CSMD2: variants seen among roughly 807,000 people sequenced by gnomAD.
CSMD2 encodes CUB and sushi domain-containing protein 2.
A neutral mutation model predicts 398.5 loss-of-function variants in CSMD2; 130 were observed. That is an observed-to-expected ratio of 0.33 (90% confidence interval 0.28 to 0.38). CSMD2 has a LOEUF of 0.38. Among genes scored for constraint, CSMD2 ranks in the 10% least tolerant of loss-of-function variants. CSMD2 has a pLI of 1.00. For synonymous variants in CSMD2, 1,828 were observed against 1,908.5 expected, an observed-to-expected ratio of 0.96 and a Z score of 1.10; for missense variants, 3,829 against 4,764.9, an observed-to-expected ratio of 0.80 and a Z score of 5.78.
At chr1:33,691,687 C>T (rs544048388) in intron 25 of CSMD2, among the ~76,000 whole-genome samples, 2 of 152,264 alleles carry the variant, frequency 1.3e-5, no homozygotes, top group South Asian at 2.1e-4. Context: ...TGGTGTCTCC[C>T]CATGAGCTCT....
At chr1:33,691,619 T>A (rs1571238024) in intron 25 of CSMD2, among the ~76,000 whole-genome samples, 1 of 152,290 alleles carries the variant, frequency 6.6e-6, no homozygotes, top group East Asian at 1.9e-4. Flanking sequence ...TTTTCTTGGC[T>A]CCTCACTATT....
intron 1 of CSMD2, among the ~76,000 whole-genome samples, chr1:34,103,546 C>T (rs535559162): frequency 4.6e-5 from 7 of 152,168 alleles, no homozygotes; most frequent in South Asian, 2.1e-4. Context: ...TCGCCCACCT[C>T]GGCCTCCCAA....
intron 3 of CSMD2, among the ~76,000 whole-genome samples, chr1:34,022,620 C>T (rs1386265384): frequency 2.0e-5 from 3 of 152,122 alleles, no homozygotes; most frequent in Non-Finnish European, 4.4e-5. Flanking sequence ...AGGCAGAGAA[C>T]AGAAGAGAAG....
intron 1 of CSMD2, among the ~76,000 whole-genome samples, chr1:34,135,580 T>A (rs1392583938): frequency 8.5e-6 from 1 of 117,628 alleles, no homozygotes; most frequent in Non-Finnish European, 1.6e-5. Context: ...ATCACGCCAC[T>A]GCACTCCAGC....
rs145350260 is a variant in CSMD2, at chr1:33,534,445, G to A, written c.9880-538C>T. Among the ~76,000 whole-genome samples the A allele has an allele frequency of 3.9e-3, 594 of 152,246 alleles. 2 individuals carry two copies. The highest frequency in any genetic ancestry group is 6.8e-3 in the Middle Eastern group (2 of 294). ...TGTCTTTACAGATATGGCCCCCATA[G>A]AATCTGTTGAACGAACTGCCACCCT... On this transcript the variant is annotated intron_variant, in intron 62 of 70. Coordinates refer to ENST00000373381, the MANE Select transcript of CSMD2 (RefSeq NM_001281956.2).
chr1:33,533,361 C>T lies in CSMD2; in HGVS notation c.9992-132G>A. On this transcript the variant is annotated intron_variant, in intron 63 of 70. Transcript: ENST00000373381. This position sits in a 1 kb window ranked among gnomAD's most constrained non-coding sequence, Gnocchi z 4.2. ...CAGTCCCTTTCATGCCAAGCATCCC[C>T]CTCCCTAATCCTCCACCCTAACCCA... The T allele has an allele frequency of 1.3e-6, 1 of 780,830 alleles. No individual in the cohort carries two copies. The highest frequency in any genetic ancestry group is 1.7e-5 in the African/African-American group (1 of 57,146). 48.4% of individuals were successfully genotyped at this position (780,830 alleles called of 1,614,324 possible).
chr1:33,771,591 C>G (rs1219653334), intron 13 of CSMD2, among the ~76,000 whole-genome samples: 2 of 151,844 alleles, frequency 1.3e-5, no homozygotes, highest in Non-Finnish European at 1.5e-5. Flanking sequence ...TGGTTCATCC[C>G]AACTCATCAA....
intron 3 of CSMD2, among the ~76,000 whole-genome samples, chr1:34,013,484 G>T (rs1463833700): frequency 6.6e-6 from 1 of 152,154 alleles, no homozygotes; most frequent in African/African-American, 2.4e-5. Flanking sequence ...CTCCTGCTGG[G>T]AGCTGGGCAC....
intron 13 of CSMD2, among the ~76,000 whole-genome samples, chr1:33,753,593 G>A (rs759229939): frequency 5.3e-5 from 8 of 152,222 alleles, no homozygotes; most frequent in Non-Finnish European, 1.2e-4. Context: ...TGGAGCTGTG[G>A]GAAGGGGGCT....
intron 2 of CSMD2, among the ~76,000 whole-genome samples, chr1:34,044,639 G>A (rs1033124529): frequency 6.6e-6 from 1 of 152,262 alleles, no homozygotes; most frequent in South Asian, 2.1e-4. Flanking sequence ...CCGAGATCTG[G>A]AGAACCATGT....
intron 5 of CSMD2, among the ~76,000 whole-genome samples, chr1:33,896,938 GA>G (rs1393108975): frequency 6.6e-6 from 1 of 151,884 alleles, no homozygotes. Flanking sequence ...GACCAGCAAG[GA>G]AGCCATTGTG....
Position 33,622,210 on chromosome 1 carries a change from T to G in CSMD2, c.5784A>C (p.Ser1928=). ...TSNQLYLHFY[S]DISVSAAGFH... ...AGCCAGCTGCAGATACGCTGATATC[T>G]GAGTAGAAATGAAGGTAGAGCTGGT... The change falls in exon 37 of 71, where the codon TCA becomes TCC. Residue 1928 remains serine, a synonymous_variant. Transcript: ENST00000373381. 3 of 1,614,110 alleles carry G rather than the reference T, an allele frequency of 1.9e-6. No homozygotes were observed. Among genetic ancestry groups the G allele is most frequent in the Non-Finnish European group, 2.5e-6 (3 of 1,179,980 alleles).
chr1:34,165,043 C>A lies in CSMD2; in HGVS notation c.55G>T (p.Ala19Ser). ...GCCGAAATCCCGGTTTCGCCGCGAG[C>A]CCTCCCCGCGGGGCAGCCGCAGCGC... Reference protein sequence around the residue: ...LGRCGCPAGRARGETGISALV... With the variant: ...LGRCGCPAGRSRGETGISALV... Residue 19 changes from alanine (A) to serine (S), a missense_variant, in exon 1 of 71, where the codon GCT (alanine) becomes TCT (serine). Around this residue, in one of 5 missense-constraint regions of CSMD2, gnomAD observed 184 missense variants for 217.7 expected, o/e 0.85. Coordinates refer to ENST00000373381, the MANE Select transcript of CSMD2 (RefSeq NM_001281956.2). 8.2e-7 allele frequency: 1 copy of A among 1,214,018 alleles called. No individual in the cohort carries two copies. Among genetic ancestry groups the A allele is most frequent in the Non-Finnish European group, 1.0e-6 (1 of 976,558 alleles). 75.2% of individuals were successfully genotyped at this position (1,214,018 alleles called of 1,614,324 possible). A position where few individuals can be genotyped will look rare whatever the true frequency, so the allele number is the denominator to read the frequency against.
chr1:34,022,463 T>C (rs1397606252), intron 3 of CSMD2, among the ~76,000 whole-genome samples: 1 of 152,194 alleles, frequency 6.6e-6, no homozygotes, highest in African/African-American at 2.4e-5. Flanking sequence ...GCGTTCTTCC[T>C]GTCCAGAAGC....
At chr1:33,935,701 C>T in intron 4 of CSMD2, 59 bp downstream of exon 4, 1 of 1,498,530 alleles carries the variant, frequency 6.7e-7, no homozygotes, top group Non-Finnish European at 9.0e-7. Context: ...TCACTGGAAG[C>T]TCCAGCATCA....
At chr1:33,536,119 C>CTAGA (rs1177570644) in intron 62 of CSMD2, among the ~76,000 whole-genome samples, 1 of 152,210 alleles carries the variant, frequency 6.6e-6, no homozygotes, top group African/African-American at 2.4e-5. Flanking sequence ...CATTACTTGA[C>CTAGA]TAGATCCCAG....
At chr1:33,746,214 C>T (rs1051194030) in intron 13 of CSMD2, among the ~76,000 whole-genome samples, 5 of 152,182 alleles carry the variant, frequency 3.3e-5, no homozygotes, top group Admixed American at 2.6e-4. Context: ...TGCCCCCACA[C>T]AGCCATCTTG....
At chr1:33,862,876 T>G (rs1639649790) in intron 5 of CSMD2, 1 of 152,358 alleles carries the variant, frequency 6.6e-6, no homozygotes, top group Non-Finnish European at 1.5e-5. Flanking sequence ...AGATGAACAC[T>G]GAAGTCTTGG....
In CSMD2 at chr1:33,605,923, T is replaced by C. The variant is rs774016459; in HGVS notation, c.6344-453A>G. Reference sequence around the variant, plus strand: ...GCGGCGACGGGAGGAGTTGAGTTGGTTCTTTCCAACTCCGAGAGATCAAAA... The same window carrying C: ...GCGGCGACGGGAGGAGTTGAGTTGGCTCTTTCCAACTCCGAGAGATCAAAA... On this transcript the variant is annotated intron_variant, in intron 41 of 70. Transcript: ENST00000373381. 66 of 1,613,812 alleles carry C rather than the reference T, an allele frequency of 4.1e-5. No individual in the cohort carries two copies. In the Admixed American group the frequency reaches 5.2e-4, roughly 13 times the overall value.
Sources: gnomAD v4.1 joint callset for allele counts (sites outside exome capture counted in the v4.1 genomes callset) on GRCh38, gnomAD v4.1.1 for gene constraint, gnomAD v4.1.1 regional missense constraint, Gnocchi (gnomAD v3.1) non-coding constraint, MANE v1.5 for transcripts, NCBI Gene and HGNC (gene_info 2026-07-23, HGNC 2026-07-21) for gene names.